ITIH5: variants seen among roughly 807,000 people sequenced by gnomAD.
The protein encoded by ITIH5 is inter-alpha-trypsin inhibitor heavy chain 5, also known as inter-alpha-trypsin inhibitor heavy chain H5.
ITIH5 carries 65 observed loss-of-function variants against 77.5 expected under a neutral mutation model. The observed-to-expected ratio is 0.84, with a 90% CI of 0.69 to 1.03. The LOEUF is 1.03. Among genes scored for constraint, ITIH5 ranks in the 50% least tolerant of loss-of-function variants. The pLI, the probability that ITIH5 is intolerant of heterozygous loss-of-function variation, is 0.00. For synonymous variants in ITIH5, 525 were observed against 494.3 expected, an observed-to-expected ratio of 1.06 and a Z score of -0.82; for missense variants, 1,208 against 1,213.1, an observed-to-expected ratio of 1.00 and a Z score of 0.06.
At chr10:7,644,953 A>ACATATATATATAT (rs1554757848) in intron 2 of ITIH5, among the ~76,000 whole-genome samples, 150 of 3,474 alleles carry the variant, frequency 0.043, 4 homozygotes, top group East Asian at 0.21. Flanking sequence ...TATATATATC[A>ACATATATATATAT]CACATATATA....
chr10:7,615,818 A>G (rs1157674268), intron 7 of ITIH5, among the ~76,000 whole-genome samples, 164 bp downstream of exon 7: 2 of 152,228 alleles, frequency 1.3e-5, no homozygotes, highest in Admixed American at 6.5e-5. Flanking sequence ...AATACAGTTT[A>G]TGTCAAATGA....
chr10:7,573,708 A>T (rs1832352014), intron 10 of ITIH5, among the ~76,000 whole-genome samples: 1 of 151,754 alleles, frequency 6.6e-6, no homozygotes, highest in Non-Finnish European at 1.5e-5. Flanking sequence ...AAAGAATAGA[A>T]TAGAAACTAC....
rs541875940 is a variant in ITIH5, at chr10:7,591,045, C to T, written c.940-4976G>A. On this transcript the variant is annotated intron_variant, in intron 7 of 13. Coordinates refer to ENST00000397146, the MANE Select transcript of ITIH5 (RefSeq NM_030569.7). Reference sequence around the variant, plus strand: ...CCGCGTAGCTGGGCTTACAGGCACACGCCATCACGCTCAGCTAATTTTTTC... The same window carrying T: ...CCGCGTAGCTGGGCTTACAGGCACATGCCATCACGCTCAGCTAATTTTTTC... Among the ~76,000 whole-genome samples, 8 of 152,150 alleles carry T rather than the reference C, an allele frequency of 5.3e-5. No individual in the cohort carries two copies. The South Asian group carries it at 6.2e-4, about 12-fold the overall frequency.
chr10:7,636,452 A>G (rs555355306), intron 5 of ITIH5, among the ~76,000 whole-genome samples: 1 of 152,322 alleles, frequency 6.6e-6, no homozygotes, highest in Non-Finnish European at 1.5e-5. Context: ...ATTATTTTCT[A>G]TAACTTTCTA....
At position 7,640,838 on chromosome 10, in the gene ITIH5, A is replaced by T; in HGVS notation, c.317T>A (p.Val106Glu). ...TNFTMLIGDK[V>E]YQGEITEREK... ...TCTCTCTGTAATTTCGCCCTGATAC[A>T]CCTTGTCTCCAATAAGCCTGAAATA... The change falls in exon 4 of 14, where the codon GTG becomes GAG. Residue 106 changes from valine to glutamate, a missense_variant. Physicochemically the swap from Val to Glu is moderately radical, Grantham distance 121 (BLOSUM62 -2). Transcript: ENST00000397146. The T allele has an allele frequency of 2.5e-6, 4 of 1,612,154 alleles. No homozygotes were observed. Among genetic ancestry groups the T allele is most frequent in the Non-Finnish European group, 3.4e-6 (4 of 1,178,408 alleles).
chr10:7,581,289 A>G (rs1223896869), intron 8 of ITIH5, among the ~76,000 whole-genome samples: 1 of 152,114 alleles, frequency 6.6e-6, no homozygotes, highest in Non-Finnish European at 1.5e-5. Flanking sequence ...AAATAAATAA[A>G]TGAATAAATA....
chr10:7,565,249 C>G (rs986107583), intron 13 of ITIH5, among the ~76,000 whole-genome samples: 2 of 148,750 alleles, frequency 1.3e-5, no homozygotes, highest in Non-Finnish European at 3.0e-5. Flanking sequence ...TGTATACATA[C>G]ATATACACAT....
At chr10:7,624,877 G>GTATATACACATA (rs1833548464) in intron 5 of ITIH5, among the ~76,000 whole-genome samples, 1 of 26,478 alleles carries the variant, frequency 3.8e-5, no homozygotes, top group Non-Finnish European at 6.9e-5. Context: ...ATATATGTAT[G>GTATATACACATA]TATATATATG....
intron 7 of ITIH5, among the ~76,000 whole-genome samples, chr10:7,597,586 G>A (rs11255223): frequency 7.3e-5 from 2 of 27,398 alleles, no homozygotes; most frequent in Non-Finnish European, 2.5e-4. Context: ...AGAGACACCC[G>A]TACACAGCAT....
At chr10:7,602,765 C>G (rs1302697915) in intron 7 of ITIH5, among the ~76,000 whole-genome samples, 8 of 152,180 alleles carry the variant, frequency 5.3e-5, no homozygotes, top group Admixed American at 3.9e-4. Flanking sequence ...TTTCCTACTT[C>G]CACTCATGGT....
At position 7,585,982 on chromosome 10, in the gene ITIH5, A is replaced by C. The variant is rs576855844; in HGVS notation, c.1027T>G (p.Trp343Gly). Residue 343 changes from tryptophan (W) to glycine (G), a missense_variant, in exon 8 of 14, where the codon TGG becomes GGG. By Grantham distance (184) the Trp-to-Gly change is radical. Transcript: ENST00000397146. ...IIGFSNRIKVWKDHLISVTPD... is the reference protein window; with the variant it reads ...IIGFSNRIKVGKDHLISVTPD... Reference sequence around the variant, plus strand: ...GTGACTGATATCAAGTGGTCCTTCCATACTTTGATCCGGTTGGAAAATCCA... The same window carrying C: ...GTGACTGATATCAAGTGGTCCTTCCCTACTTTGATCCGGTTGGAAAATCCA... 6.2e-7 allele frequency: 1 copy of C among 1,614,132 alleles called. No individual in the cohort carries two copies. Among genetic ancestry groups the C allele is most frequent in the South Asian group, 1.1e-5 (1 of 91,080 alleles).
intron 7 of ITIH5, among the ~76,000 whole-genome samples, chr10:7,599,416 T>C (rs1298947295): frequency 1.3e-5 from 2 of 152,208 alleles, no homozygotes; most frequent in Non-Finnish European, 2.9e-5. Context: ...GTGTCTCCCA[T>C]CCGCTGTTCT....
rs571779020 is a variant in ITIH5 at position 7,561,527 on chromosome 10, G to C, written c.*1556C>G. The C allele has an allele frequency of 6.6e-6, 1 of 152,576 alleles. No homozygotes were observed. Among genetic ancestry groups the C allele is most frequent in the African/African-American group, 2.4e-5 (1 of 41,582 alleles). 9.5% of individuals were successfully genotyped at this position (152,576 alleles called of 1,614,324 possible). On this transcript the variant is annotated 3_prime_UTR_variant, in exon 14 of 14. Transcript: ENST00000397146. ...ACAGGCAGCTGAGGTTGGGAAGACG[G>C]AAGGCAAATAAATAGCACAGCAGAC...
At chr10:7,639,644 G>A (rs1833851647) in intron 4 of ITIH5, among the ~76,000 whole-genome samples, 1 of 152,166 alleles carries the variant, frequency 6.6e-6, no homozygotes. Context: ...TCATTTTTCT[G>A]CCAAGGGGAT....
At chr10:7,599,991 G>A (rs1473455709) in intron 7 of ITIH5, among the ~76,000 whole-genome samples, 1 of 152,174 alleles carries the variant, frequency 6.6e-6, no homozygotes, top group African/African-American at 2.4e-5. Flanking sequence ...GGATTGAGAG[G>A]TGCTCTGGTT....
At chr10:7,621,187 C>T (rs533286360) in intron 5 of ITIH5, 2 of 152,324 alleles carry the variant, frequency 1.3e-5, no homozygotes, top group African/African-American at 4.8e-5. Context: ...AATTAGGCAG[C>T]ACTTAGATTA....
rs565096657 is a variant in ITIH5 at position 7,623,354 on chromosome 10, C to A, written c.653-6072G>T. Among the ~76,000 whole-genome samples, 13 of 152,268 alleles carry A rather than the reference C, an allele frequency of 8.5e-5. No homozygotes were observed. The South Asian group carries it at 2.7e-3, about 32-fold the overall frequency. On this transcript the variant is annotated intron_variant, in intron 5 of 13. Transcript: ENST00000397146. ...CCTGCTTACCTGGGATCCAACGAGG[C>A]AATTTCTTAAATATATGGAGGTCAA...
chr10:7,568,623 C>T (rs545290364), intron 12 of ITIH5, among the ~76,000 whole-genome samples: 109 of 152,358 alleles, frequency 7.2e-4, no homozygotes, highest in Non-Finnish European at 1.3e-3. Flanking sequence ...TCACACATAT[C>T]ACCTGCTGGG....
At chr10:7,582,854 G>A (rs1340943187) in intron 8 of ITIH5, among the ~76,000 whole-genome samples, 1 of 152,120 alleles carries the variant, frequency 6.6e-6, no homozygotes, top group Non-Finnish European at 1.5e-5. Flanking sequence ...GGTAGTGGGG[G>A]GTGGGGCAGA....
Sources: gnomAD v4.1 joint callset for allele counts (sites outside exome capture counted in the v4.1 genomes callset) on GRCh38, gnomAD v4.1.1 for gene constraint, MANE v1.5 for transcripts, NCBI Gene and HGNC (gene_info 2026-07-23, HGNC 2026-07-21) for gene names.